The following PTCHD4 variants were observed in gnomAD, a reference collection of about 807,000 sequenced individuals.
PTCHD4 encodes patched domain containing 4.
A neutral mutation model predicts 58.1 loss-of-function variants in PTCHD4; 33 were observed. The ratio of observed to expected loss-of-function variants is 0.57; its 90% CI spans 0.43 to 0.76. The LOEUF (loss-of-function observed/expected upper bound fraction) is 0.76. PTCHD4 is among the 30% of genes least tolerant of loss of function. PTCHD4 has a pLI of 0.00. For synonymous variants in PTCHD4, 478 were observed against 409.6 expected (o/e 1.17, Z -2.02); for missense variants, 1,058 against 1,027.1 (o/e 1.03, Z -0.41).
chr6:47,975,638 G>A (rs1443425940), intron 4 of PTCHD4, among the ~76,000 whole-genome samples: 1 of 152,196 alleles, frequency 6.6e-6, no homozygotes, highest in Non-Finnish European at 1.5e-5. Context: ...ATGCATCCAC[G>A]TGTCACTACT....
At position 47,879,630 on chromosome 6, in the gene PTCHD4, A is replaced by G; in HGVS notation, c.1205T>C (p.Phe402Ser). 1.2e-6 allele frequency: 2 copies of G among 1,613,634 alleles called. No homozygotes were observed. The highest frequency in any genetic ancestry group is 1.7e-6 in the Non-Finnish European group (2 of 1,179,732). The part of the protein sequence containing the change: ...QLEQNRYHSI[F>S]CCKIPSAEYL... Reference sequence around the variant, plus strand: ...TTCTGCAGAAGGGATCTTACAGCAAAAGATGCTGTGGTAGCGGTTTTGCTC... The same window carrying G: ...TTCTGCAGAAGGGATCTTACAGCAAGAGATGCTGTGGTAGCGGTTTTGCTC... Residue 402 changes from phenylalanine to serine, a missense_variant, in exon 5 of 5, where the codon TTT (phenylalanine) becomes TCT (serine). Coordinates refer to ENST00000339488, the MANE Select transcript of PTCHD4 (RefSeq NM_001384253.1).
intron 4 of PTCHD4, among the ~76,000 whole-genome samples, chr6:47,908,203 G>A (rs917236092): frequency 3.3e-5 from 5 of 152,106 alleles, no homozygotes; most frequent in East Asian, 1.9e-4. Flanking sequence ...TGAGTCTAAA[G>A]AGGGACTCAG....
chr6:47,967,930 C>A (rs1767355745), intron 4 of PTCHD4, among the ~76,000 whole-genome samples: 2 of 152,176 alleles, frequency 1.3e-5, no homozygotes, highest in South Asian at 4.1e-4. Context: ...AGCAATTAGG[C>A]TGTTTCACTG....
intron 1 of PTCHD4, among the ~76,000 whole-genome samples, chr6:48,080,663 A>G (rs555068812): frequency 6.6e-6 from 1 of 152,340 alleles, no homozygotes; most frequent in East Asian, 1.9e-4. Flanking sequence ...TCCCAGTGTC[A>G]GAGAAGTATG....
At chr6:47,975,167 C>T (rs1767646284) in intron 4 of PTCHD4, among the ~76,000 whole-genome samples, 1 of 152,152 alleles carries the variant, frequency 6.6e-6, no homozygotes, top group Non-Finnish European at 1.5e-5. Context: ...GAAGTTATAG[C>T]ACGTGCTTTG....
At chr6:48,107,552 T>C (rs930319113) in intron 1 of PTCHD4, among the ~76,000 whole-genome samples, 38 of 152,014 alleles carry the variant, frequency 2.5e-4, no homozygotes, top group African/African-American at 9.1e-4. Flanking sequence ...AAGGACTTCA[T>C]GTCTAAAACA....
Position 47,878,516 on chromosome 6 carries a change from C to A in PTCHD4, c.2319G>T (p.Val773=). Residue 773 remains valine, a synonymous_variant, in exon 5 of 5, where the codon GTG becomes GTT. Transcript: ENST00000339488. ...ACAGTGTGAAGGTCAGGTTCGAAGG[C>A]ACAAATAGAAGGGGGACTAACCCAA... ...FLIGLVPLLF[V]PSNLTFTLFK... is the part of the protein sequence containing the mutation. 1 of 1,613,408 alleles carries A rather than the reference C, an allele frequency of 6.2e-7. No individual in the cohort carries two copies. The highest frequency in any genetic ancestry group is 8.5e-7 in the Non-Finnish European group (1 of 1,179,696).
intron 1 of PTCHD4, among the ~76,000 whole-genome samples, chr6:48,092,353 AT>A (rs909866405): frequency 3.3e-5 from 5 of 152,112 alleles, no homozygotes; most frequent in African/African-American, 1.2e-4. Flanking sequence ...TAAACTATCT[AT>A]TTTTTATTTT....
chr6:48,038,502 G>A (rs1231049271), intron 3 of PTCHD4, among the ~76,000 whole-genome samples: 1 of 151,572 alleles, frequency 6.6e-6, no homozygotes, highest in African/African-American at 2.4e-5. Flanking sequence ...TTAGCTAGGT[G>A]TGGTGGTGCC....
chr6:48,104,205 G>C (rs182776826), intron 1 of PTCHD4, among the ~76,000 whole-genome samples: 1 of 152,314 alleles, frequency 6.6e-6, no homozygotes, highest in African/African-American at 2.4e-5. Context: ...CAGAGAGAAA[G>C]GTCGGGTTAC....
intron 1 of PTCHD4, among the ~76,000 whole-genome samples, chr6:48,090,609 TAA>T (rs1265086179): frequency 1.3e-5 from 2 of 152,110 alleles, no homozygotes; most frequent in African/African-American, 4.8e-5. Flanking sequence ...AGGGGTAAAA[TAA>T]CTGTTTCACG....
rs1014344960 is a variant in PTCHD4 at position 48,007,929 on chromosome 6, C to A, written c.898+705G>T. Reference sequence around the variant, plus strand: ...GATCTTCTCTTTGAAAGAATATGTGCGCGCGCGCACACACACACACACACA... The same window carrying A: ...GATCTTCTCTTTGAAAGAATATGTGAGCGCGCGCACACACACACACACACA... On this transcript the variant is annotated intron_variant, in intron 4 of 4. Transcript: ENST00000339488. Among the ~76,000 whole-genome samples, 4 of 39,298 alleles carry A rather than the reference C, an allele frequency of 1.0e-4. No homozygotes were observed. In the South Asian group the frequency reaches 4.3e-3, roughly 42 times the overall value. The allele number at this position is 39,298 out of a possible 152,430, so 25.8% of individuals were successfully genotyped here.
chr6:48,044,111 T>G (rs1357122265), intron 3 of PTCHD4, among the ~76,000 whole-genome samples: 1 of 151,824 alleles, frequency 6.6e-6, no homozygotes, highest in Non-Finnish European at 1.5e-5. Flanking sequence ...GCTGCTGTTT[T>G]GTGTATTTTC....
At chr6:47,997,011 G>A (rs1768517931) in intron 4 of PTCHD4, among the ~76,000 whole-genome samples, 1 of 152,202 alleles carries the variant, frequency 6.6e-6, no homozygotes, top group Admixed American at 6.5e-5. Flanking sequence ...TGGCAACACA[G>A]TAAAGTATAT....
chr6:47,893,390 A>G (rs1370431862), intron 4 of PTCHD4, among the ~76,000 whole-genome samples: 1 of 152,226 alleles, frequency 6.6e-6, no homozygotes, highest in African/African-American at 2.4e-5. Context: ...TTGTATGTGT[A>G]GCAACTAAAA....
chr6:47,886,850 T>C (rs1174905029), intron 4 of PTCHD4, among the ~76,000 whole-genome samples: 1 of 152,198 alleles, frequency 6.6e-6, no homozygotes, highest in Non-Finnish European at 1.5e-5. Flanking sequence ...ACATGCGTGA[T>C]CTCTAACACT....
At chr6:48,060,819 G>C (rs1052526733) in intron 3 of PTCHD4, among the ~76,000 whole-genome samples, 2 of 152,180 alleles carry the variant, frequency 1.3e-5, no homozygotes, top group African/African-American at 4.8e-5. Context: ...TCCCAGGTGA[G>C]GTCTCTCCAT....
At chr6:48,006,235 C>A (rs1351021766) in intron 4 of PTCHD4, among the ~76,000 whole-genome samples, 1 of 150,948 alleles carries the variant, frequency 6.6e-6, no homozygotes, top group South Asian at 2.1e-4. Flanking sequence ...GGGAGAGGTG[C>A]AAAGTGTGTG....
Position 47,857,645 on chromosome 6 carries a change from A to G in PTCHD4, c.*20658T>C, listed in dbSNP as rs1390716017. ...GGTAAACCATAGTGTTTGAGTTAAA[A>G]GTGCTCCTGTGTCTCTGCAATAGTA... On this transcript the variant is annotated 3_prime_UTR_variant, in exon 5 of 5. Transcript: ENST00000339488. Among the ~76,000 whole-genome samples the G allele has an allele frequency of 3.9e-5, 6 of 152,010 alleles. No homozygotes were observed. Among genetic ancestry groups the G allele is most frequent in the African/African-American group, 1.4e-4 (6 of 41,406 alleles).
Sources: gnomAD v4.1 joint callset for allele counts (sites outside exome capture counted in the v4.1 genomes callset) on GRCh38, gnomAD v4.1.1 for gene constraint, MANE v1.5 for transcripts, NCBI Gene and HGNC (gene_info 2026-07-23, HGNC 2026-07-21) for gene names.